The following ERBB4 variants were observed in gnomAD, a reference collection of about 807,000 sequenced individuals.
ERBB4 encodes the protein erb-b2 receptor tyrosine kinase 4, also known as receptor tyrosine-protein kinase erbB-4.
ERBB4 carries 42 observed loss-of-function variants against 158.0 expected under a neutral mutation model. That is an observed-to-expected ratio of 0.27 (90% CI 0.21 to 0.34). ERBB4 has a LOEUF of 0.34. ERBB4 is among the 10% of genes least tolerant of loss of function. The probability of loss-of-function intolerance (pLI) is 1.00; values close to 1 mark genes in which losing one functional copy is unlikely to be tolerated. For synonymous variants in ERBB4, 583 were observed against 558.7 expected (o/e 1.04, Z -0.61); for missense variants, 1,333 against 1,624.1 (o/e 0.82, Z 3.08).
At chr2:212,448,854 G>A (rs1199277922) in intron 1 of ERBB4, among the ~76,000 whole-genome samples, 1 of 152,086 alleles carries the variant, frequency 6.6e-6, no homozygotes, top group Non-Finnish European at 1.5e-5. Context: ...GCTCTTTGCT[G>A]GAGGTTTTAG....
chr2:212,523,572 T>TAA (rs34619293), intron 1 of ERBB4, among the ~76,000 whole-genome samples: 13 of 151,398 alleles, frequency 8.6e-5, no homozygotes, highest in Admixed American at 4.6e-4. Flanking sequence ...GAATGACAAT[T>TAA]AAAAAAAATC....
At chr2:212,331,003 CT>C (rs1296908245) in intron 1 of ERBB4, among the ~76,000 whole-genome samples, 1 of 127,632 alleles carries the variant, frequency 7.8e-6, no homozygotes, top group African/African-American at 2.6e-5. Flanking sequence ...AAAGTATGTG[CT>C]TTTTCCTGCA....
intron 1 of ERBB4, among the ~76,000 whole-genome samples, chr2:212,198,874 C>A (rs1295089502): frequency 6.6e-6 from 1 of 151,704 alleles, no homozygotes; most frequent in African/African-American, 2.4e-5. Flanking sequence ...TGAACCACCA[C>A]ACCTAGCCTA....
At chr2:212,464,650 A>C (rs1688738726) in intron 1 of ERBB4, among the ~76,000 whole-genome samples, 1 of 152,092 alleles carries the variant, frequency 6.6e-6, no homozygotes, top group African/African-American at 2.4e-5. Context: ...CATAGCTAGA[A>C]GTACATTATA....
At chr2:211,806,681 T>C (rs575951937) in intron 3 of ERBB4, among the ~76,000 whole-genome samples, 34 of 152,028 alleles carry the variant, frequency 2.2e-4, no homozygotes, top group East Asian at 5.8e-4. Context: ...TAATGCATCA[T>C]AGGAAATCTG....
At chr2:212,066,655 C>A (rs2077957294) in intron 2 of ERBB4, among the ~76,000 whole-genome samples, 1 of 151,840 alleles carries the variant, frequency 6.6e-6, no homozygotes, top group South Asian at 2.1e-4. Context: ...CAGAAATAAC[C>A]AAATTTCCTT....
intron 3 of ERBB4, among the ~76,000 whole-genome samples, chr2:211,861,397 T>C (rs1249401901): frequency 2.8e-5 from 4 of 145,086 alleles, no homozygotes; most frequent in Non-Finnish European, 4.5e-5. Context: ...GGTTTGGCTG[T>C]GTTGCCTAGG....
chr2:212,099,904 C>A (rs980754653), intron 2 of ERBB4, among the ~76,000 whole-genome samples: 5 of 151,692 alleles, frequency 3.3e-5, no homozygotes, highest in African/African-American at 1.2e-4. Context: ...ATACTAATTC[C>A]ATTTTAAAGA....
chr2:211,988,544 C>T (rs1004628890), intron 2 of ERBB4, among the ~76,000 whole-genome samples: 1 of 151,982 alleles, frequency 6.6e-6, no homozygotes, highest in Non-Finnish European at 1.5e-5. Flanking sequence ...ATATGCTTTA[C>T]CTTTGCCCAC....
intron 19 of ERBB4, among the ~76,000 whole-genome samples, chr2:211,607,172 C>A (rs1213794401): frequency 6.6e-6 from 1 of 152,064 alleles, no homozygotes; most frequent in African/African-American, 2.4e-5. Flanking sequence ...ATAACTGGCT[C>A]CCTTGGCTAT....
chr2:212,486,766 A>G (rs1192012723), intron 1 of ERBB4, among the ~76,000 whole-genome samples: 1 of 152,178 alleles, frequency 6.6e-6, no homozygotes, highest in African/African-American at 2.4e-5. Context: ...CTCTGGGTCT[A>G]TGGCAGTCAG....
At chr2:211,620,275 T>C (rs774002604) in intron 18 of ERBB4, among the ~76,000 whole-genome samples, 4 of 152,220 alleles carry the variant, frequency 2.6e-5, no homozygotes, top group Non-Finnish European at 5.9e-5. Flanking sequence ...ATATTTCTTA[T>C]AAGATTTTTA....
chr2:211,774,530 G>A (rs1320135183), intron 4 of ERBB4, among the ~76,000 whole-genome samples: 1 of 152,082 alleles, frequency 6.6e-6, no homozygotes, highest in Non-Finnish European at 1.5e-5. Flanking sequence ...TAAAAGTAAA[G>A]CACAGCTGAA....
At chr2:211,863,491 T>G (rs539033925) in intron 3 of ERBB4, among the ~76,000 whole-genome samples, 1 of 152,164 alleles carries the variant, frequency 6.6e-6, no homozygotes, top group Non-Finnish European at 1.5e-5. Flanking sequence ...CTGTAACACT[T>G]ACCACAGGGG....
chr2:211,612,990 G>A (rs565297551), intron 19 of ERBB4, among the ~76,000 whole-genome samples: 10 of 151,938 alleles, frequency 6.6e-5, no homozygotes, highest in Non-Finnish European at 1.3e-4. Flanking sequence ...GGGTGAAATC[G>A]AAGGCAGAAG....
intron 1 of ERBB4, among the ~76,000 whole-genome samples, chr2:212,446,995 C>CTTTT (rs771259936): frequency 3.7e-5 from 5 of 136,612 alleles, no homozygotes; most frequent in Non-Finnish European, 4.8e-5. Context: ...CCAAATTTTT[C>CTTTT]TTTTTTTTTT....
At chr2:212,160,474 T>C (rs556497464) in intron 1 of ERBB4, among the ~76,000 whole-genome samples, 1 of 152,144 alleles carries the variant, frequency 6.6e-6, no homozygotes, top group African/African-American at 2.4e-5. Context: ...TTAAAATCTG[T>C]ATCACACACA....
At chr2:211,765,080 C>T (rs1160518615) in intron 4 of ERBB4, among the ~76,000 whole-genome samples, 1 of 152,124 alleles carries the variant, frequency 6.6e-6, no homozygotes, top group Non-Finnish European at 1.5e-5. Context: ...AGGTGCCCCT[C>T]CCCATCTCAC....
chr2:211,413,309 A>AAAAAAAAAAAAAAAAAAAAAAAC (rs1553524037), intron 25 of ERBB4, among the ~76,000 whole-genome samples: 1 of 94,576 alleles, frequency 1.1e-5, no homozygotes, highest in Non-Finnish European at 2.3e-5. Flanking sequence ...CTGTCTTAAA[A>AAAAAAAAAAAAAAAAAAAAAAAC]ACACACACAC....
Sources: allele counts gnomAD v4.1 joint callset (sites outside exome capture counted in the v4.1 genomes callset), GRCh38; gene constraint gnomAD v4.1.1; transcripts MANE v1.5; gene names NCBI Gene and HGNC (gene_info 2026-07-23, HGNC 2026-07-21).